CRACD: variants seen among roughly 807,000 people sequenced by gnomAD.
CRACD encodes the protein capping protein-inhibiting regulator of actin dynamics.
CRACD carries 56 observed loss-of-function variants against 106.8 expected under a neutral mutation model. The observed-to-expected ratio is 0.52, with a 90% CI of 0.42 to 0.66. The LOEUF is 0.66. Ranked by LOEUF, CRACD falls within the 30% of genes least tolerant of loss-of-function variation. The pLI, the probability that CRACD is intolerant of heterozygous loss-of-function variation, is 0.00. For synonymous variants in CRACD, 754 were observed against 670.8 expected (o/e 1.12, Z -1.92); for missense variants, 1,730 against 1,623.2 (o/e 1.07, Z -1.13).
chr4:56,204,789 G>A (rs538262780), intron 2 of CRACD, among the ~76,000 whole-genome samples: 6 of 152,322 alleles, frequency 3.9e-5, no homozygotes, highest in Non-Finnish European at 7.4e-5. Context: ...GCAGGGAAAG[G>A]TGAGGATTGA....
At chr4:56,181,404 T>G (rs7698785) in intron 2 of CRACD, among the ~76,000 whole-genome samples, 60,694 of 151,984 alleles carry the variant, frequency 0.4, 12,677 homozygotes, top group African/African-American at 0.51. Flanking sequence ...CAGGAAATGA[T>G]GACACTTCTT....
chr4:56,328,218 A>G lies in CRACD; in HGVS notation c.*414A>G. Reference sequence around the variant, plus strand: ...TTTCTTTGTCCAAAACATTTACTCTACCATATGTCTGGGAATGTTTATCCT... The same window carrying G: ...TTTCTTTGTCCAAAACATTTACTCTGCCATATGTCTGGGAATGTTTATCCT... On this transcript the variant is annotated 3_prime_UTR_variant, in exon 11 of 11. Transcript: ENST00000682029. The G allele has an allele frequency of 2.2e-6, 1 of 453,868 alleles. No individual in the cohort carries two copies. The allele number at this position is 453,868 out of a possible 1,614,324, so 28.1% of individuals were successfully genotyped here.
At chr4:56,129,933 TCAG>T (rs1577681553) in intron 1 of CRACD, among the ~76,000 whole-genome samples, 1 of 152,186 alleles carries the variant, frequency 6.6e-6, no homozygotes, top group East Asian at 1.9e-4. Context: ...ATAATGGATT[TCAG>T]CAGAACATAA....
intron 2 of CRACD, among the ~76,000 whole-genome samples, chr4:56,266,200 T>G (rs140226272): frequency 3.3e-3 from 505 of 152,324 alleles, no homozygotes; most frequent in Middle Eastern, 6.8e-3. Flanking sequence ...TAAGGAAAAT[T>G]ACAACAGAAA....
At chr4:56,275,938 G>T (rs192043983) in intron 3 of CRACD, among the ~76,000 whole-genome samples, 4 of 152,292 alleles carry the variant, frequency 2.6e-5, no homozygotes, top group Admixed American at 1.3e-4. Flanking sequence ...GGGAATTGAA[G>T]GGAGCTGAAC....
intron 2 of CRACD, among the ~76,000 whole-genome samples, chr4:56,184,551 G>A (rs1162894921): frequency 6.6e-6 from 1 of 152,188 alleles, no homozygotes; most frequent in Non-Finnish European, 1.5e-5. Context: ...AGGTCTCCTC[G>A]ATTGCCTTTT....
intron 3 of CRACD, 24 bp downstream of exon 3, chr4:56,272,516 A>G (rs573415256): frequency 2.0e-5 from 3 of 152,722 alleles, no homozygotes; most frequent in East Asian, 1.9e-4. Flanking sequence ...CTTTCCTTTC[A>G]GATCTTTGGT....
intron 1 of CRACD, among the ~76,000 whole-genome samples, chr4:56,060,073 T>A (rs1457311915): frequency 6.6e-6 from 1 of 152,214 alleles, no homozygotes; most frequent in Non-Finnish European, 1.5e-5. Context: ...CAGAATTTCC[T>A]AGCTGATTTC....
At chr4:56,173,516 C>T (rs534354746) in intron 1 of CRACD, among the ~76,000 whole-genome samples, 3 of 152,254 alleles carry the variant, frequency 2.0e-5, no homozygotes, top group South Asian at 2.1e-4. Context: ...GATGACACCT[C>T]GCTATATTAA....
chr4:56,072,119 C>T (rs1001675661), intron 1 of CRACD, among the ~76,000 whole-genome samples: 14 of 135,866 alleles, frequency 1.0e-4, no homozygotes, highest in Non-Finnish European at 1.8e-4. Flanking sequence ...CAGAGCGAGA[C>T]TCCGTCTCAA....
At chr4:56,165,527 C>T (rs1376920507) in intron 1 of CRACD, among the ~76,000 whole-genome samples, 1 of 152,206 alleles carries the variant, frequency 6.6e-6, no homozygotes, top group African/African-American at 2.4e-5. Flanking sequence ...CAGCAGATTA[C>T]TGCTAAGTCC....
At chr4:56,116,030 T>C (rs1734263522) in intron 1 of CRACD, among the ~76,000 whole-genome samples, 1 of 152,214 alleles carries the variant, frequency 6.6e-6, no homozygotes, top group African/African-American at 2.4e-5. Flanking sequence ...TGTTTTTCTC[T>C]GCCTGCGCTC....
rs915800281 is a variant in CRACD, at chr4:56,314,808, C to A, written c.1306C>A (p.Leu436Met). 2.5e-6 allele frequency: 4 copies of A among 1,607,282 alleles called. No homozygotes were observed. The East Asian group carries it at 9.0e-5, about 36-fold the overall frequency. Reference sequence around the variant, plus strand: ...GGAGAGGCTCGAAGACCAGGAACGCCTGAAACCCGAAGGACAAAGAGAACA... The same window carrying A: ...GGAGAGGCTCGAAGACCAGGAACGCATGAAACCCGAAGGACAAAGAGAACA... ...FEERLEDQER[L>M]KPEGQREHSE... The change falls in exon 8 of 11, where the codon CTG becomes ATG. Residue 436 changes from leucine (L) to methionine (M), a missense_variant. Around this residue, in one of 5 missense-constraint regions of CRACD, gnomAD observed 1,620 missense variants for 1,481.6 expected, o/e 1.09. Coordinates refer to ENST00000682029, the MANE Select transcript of CRACD (RefSeq NM_001393381.1). The surrounding 1 kb of genome is among the most constrained non-coding windows in gnomAD (Gnocchi z 4.4).
At chr4:56,061,417 C>T (rs1032493158) in intron 1 of CRACD, among the ~76,000 whole-genome samples, 2 of 152,164 alleles carry the variant, frequency 1.3e-5, no homozygotes, top group Non-Finnish European at 2.9e-5. Flanking sequence ...AGTGATCTAC[C>T]TGCCTTGGCC....
intron 2 of CRACD, among the ~76,000 whole-genome samples, chr4:56,248,326 A>G (rs556988123): frequency 1.9e-4 from 29 of 152,294 alleles, no homozygotes; most frequent in African/African-American, 6.3e-4. Context: ...TCATACCTGG[A>G]AGACTCTGTG....
chr4:56,153,802 T>A (rs1381326294), intron 1 of CRACD, among the ~76,000 whole-genome samples: 1 of 152,216 alleles, frequency 6.6e-6, no homozygotes, highest in Non-Finnish European at 1.5e-5. Context: ...TTCTGAGCCC[T>A]TTTCTCCCTC....
intron 1 of CRACD, among the ~76,000 whole-genome samples, chr4:56,154,418 A>G (rs1735698745): frequency 6.6e-6 from 1 of 152,198 alleles, no homozygotes; most frequent in Non-Finnish European, 1.5e-5. Flanking sequence ...GTGAGCCAAG[A>G]TCACGCCGTT....
At chr4:56,252,261 C>G (rs1741097293) in intron 2 of CRACD, among the ~76,000 whole-genome samples, 1 of 152,198 alleles carries the variant, frequency 6.6e-6, no homozygotes, top group South Asian at 2.1e-4. Flanking sequence ...TTCACTCCCA[C>G]TACACACACA....
chr4:56,297,229 C>G (rs1197956311), intron 3 of CRACD, among the ~76,000 whole-genome samples: 1 of 152,094 alleles, frequency 6.6e-6, no homozygotes, highest in Non-Finnish European at 1.5e-5. Context: ...CATGAGCCAC[C>G]GTGCCTGGCT....
Sources: allele counts gnomAD v4.1 joint callset (sites outside exome capture counted in the v4.1 genomes callset), GRCh38; gene constraint gnomAD v4.1.1; regional missense constraint gnomAD v4.1.1; non-coding constraint Gnocchi (gnomAD v3.1); transcripts MANE v1.5; gene names NCBI Gene and HGNC (gene_info 2026-07-23, HGNC 2026-07-21).